Variants in AHCY observed in about 807,000 individuals in gnomAD.
AHCY encodes adenosylhomocysteinase.
In AHCY, 24 loss-of-function variants were observed where a neutral mutation model predicts 45.4. The ratio of observed to expected loss-of-function variants is 0.53; its 90% confidence interval spans 0.38 to 0.74. The LOEUF (loss-of-function observed/expected upper bound fraction) is 0.74, where lower values mean the gene tolerates loss of function less well. Ranked by LOEUF, AHCY falls within the 30% of genes least tolerant of loss-of-function variation. AHCY has a pLI of 0.00. For synonymous variants in AHCY, 245 were observed against 235.1 expected, an observed-to-expected ratio of 1.04 and a Z score of -0.39; for missense variants, 449 against 594.1, an observed-to-expected ratio of 0.76 and a Z score of 2.54.
chr20:34,238,628 T>G, the AHCY span, among the ~76,000 whole-genome samples: 6 of 152,180 alleles, frequency 3.9e-5, no homozygotes, highest in African/African-American at 1.4e-4. Context: ...TTTTAATATA[T>G]TTGTCTAGTA....
chr20:34,302,919 G>C (rs2036828932), intron 1 of AHCY: 18 of 985,360 alleles, frequency 1.8e-5, no homozygotes, highest in Non-Finnish European at 2.0e-5. Flanking sequence ...CCCCCGAGCA[G>C]GGTCCGGCAG....
At chr20:34,306,079 CAAAAAAAAA>C (rs56039506), upstream of AHCY, among the ~76,000 whole-genome samples, 8 of 103,104 alleles carry the variant, frequency 7.8e-5, no homozygotes, top group East Asian at 2.7e-4. Context: ...AAGACTGCCT[CAAAAAAAAA>C]AAAAAAAAAA....
chr20:34,264,641 A>G, the AHCY span, among the ~76,000 whole-genome samples: 1 of 152,154 alleles, frequency 6.6e-6, no homozygotes, highest in African/African-American at 2.4e-5. Context: ...GACAGACAAT[A>G]CATCTTGTAA....
exon 1 of AHCY, chr20:34,311,801 A>C (rs1020702627): frequency 6.6e-6 from 1 of 152,456 alleles, no homozygotes; most frequent in Non-Finnish European, 1.5e-5. Flanking sequence ...CCCTCCCTCC[A>C]GGCCCCCTGG....
chr20:34,268,588 T>C, the AHCY span, among the ~76,000 whole-genome samples: 1 of 151,702 alleles, frequency 6.6e-6, no homozygotes. Flanking sequence ...AAAATAAATT[T>C]AGCCAAGCGT....
intron 1 of AHCY, among the ~76,000 whole-genome samples, chr20:34,308,716 C>G (rs976424483): frequency 6.0e-5 from 9 of 149,694 alleles, no homozygotes; most frequent in Admixed American, 4.7e-4. Flanking sequence ...TGCAGTGGTG[C>G]GATCTCTGTT....
chr20:34,241,500 A>G, the AHCY span: 1 of 985,446 alleles, frequency 1.0e-6, no homozygotes, highest in Non-Finnish European at 1.2e-6. Context: ...GTGAGTTTAG[A>G]TGGCAACTTT....
At chr20:34,289,472 C>CTTTT (rs762670836) in intron 8 of AHCY, among the ~76,000 whole-genome samples, 4 of 106,370 alleles carry the variant, frequency 3.8e-5, no homozygotes, top group Non-Finnish European at 5.7e-5. Flanking sequence ...TGTACCTGGC[C>CTTTT]TTTTTTTTTT....
chr20:34,232,384 T>C, the AHCY span, among the ~76,000 whole-genome samples: 1 of 152,104 alleles, frequency 6.6e-6, no homozygotes. Flanking sequence ...TCTTGAGAGA[T>C]TTTCACTTGA....
chr20:34,308,638 G>A (rs968979935), intron 1 of AHCY, among the ~76,000 whole-genome samples: 12 of 151,944 alleles, frequency 7.9e-5, no homozygotes, highest in African/African-American at 2.7e-4. Flanking sequence ...AATTTCTGAA[G>A]GGTAATTAAT....
At chr20:34,249,091 T>TGA in the AHCY span, among the ~76,000 whole-genome samples, 1 of 151,696 alleles carries the variant, frequency 6.6e-6, no homozygotes, top group Admixed American at 6.6e-5. Context: ...ATGGCACCAC[T>TGA]GCACTCCAGC....
the AHCY span, among the ~76,000 whole-genome samples, chr20:34,248,160 C>T: frequency 6.6e-6 from 1 of 151,894 alleles, no homozygotes; most frequent in South Asian, 2.1e-4. Context: ...GAGCCAAGAT[C>T]GCACCACTGC....
chr20:34,269,167 A>G, the AHCY span: 2 of 1,522,700 alleles, frequency 1.3e-6, no homozygotes, highest in African/African-American at 1.4e-5. Flanking sequence ...TCAACTGCTG[A>G]GCGCCCCCAC....
chr20:34,272,203 CAAGA>C, the AHCY span, among the ~76,000 whole-genome samples: 1 of 152,178 alleles, frequency 6.6e-6, no homozygotes, highest in African/African-American at 2.4e-5. Context: ...GATGTGGGGC[CAAGA>C]AAGGGTGGTC....
At chr20:34,240,863 A>G in the AHCY span, among the ~76,000 whole-genome samples, 55 of 152,298 alleles carry the variant, frequency 3.6e-4, no homozygotes, top group African/African-American at 1.3e-3. Flanking sequence ...CCAATTCTAA[A>G]GAATTGGGAG....
At chr20:34,269,484 A>C in the AHCY span, 1 of 385,570 alleles carries the variant, frequency 2.6e-6, no homozygotes, top group Non-Finnish European at 4.6e-6. Flanking sequence ...GCTGCTGCCG[A>C]CCTGGGGGTT....
At chr20:34,241,545 G>A in the AHCY span, 2 of 985,150 alleles carry the variant, frequency 2.0e-6, no homozygotes. Flanking sequence ...CTGCTACTTT[G>A]GAAAGTTGAA....
the AHCY span, among the ~76,000 whole-genome samples, chr20:34,253,655 A>G: frequency 6.6e-6 from 1 of 151,838 alleles, no homozygotes; most frequent in Non-Finnish European, 1.5e-5. Context: ...TATTTTTAGT[A>G]GAGACGGGTT....
At chr20:34,241,039 G>A in the AHCY span, among the ~76,000 whole-genome samples, 7 of 152,124 alleles carry the variant, frequency 4.6e-5, no homozygotes, top group African/African-American at 1.4e-4. Flanking sequence ...TGCTATCCAC[G>A]GACAGGAAAG....
Sources: allele counts gnomAD v4.1 joint callset (sites outside exome capture counted in the v4.1 genomes callset), GRCh38; gene constraint gnomAD v4.1.1; transcripts MANE v1.5; gene names NCBI Gene and HGNC (gene_info 2026-07-23, HGNC 2026-07-21).